Variants in DDX10 observed in about 807,000 individuals in gnomAD.
DDX10 encodes the protein probable ATP-dependent RNA helicase DDX10.
Under a neutral mutation model 104.3 loss-of-function variants are expected in DDX10, and 74 were observed. The ratio of observed to expected loss-of-function variants is 0.71; its 90% CI spans 0.59 to 0.86. DDX10 has a LOEUF of 0.86. Ranked by LOEUF, DDX10 falls within the 40% of genes least tolerant of loss-of-function variation. DDX10 has a pLI of 0.00. For synonymous variants in DDX10, 351 were observed against 353.4 expected (o/e 0.99, Z 0.08); for missense variants, 952 against 1,040.0 (o/e 0.92, Z 1.16).
intron 13 of DDX10, among the ~76,000 whole-genome samples, chr11:108,783,983 A>G (rs960507099): frequency 1.3e-5 from 2 of 152,170 alleles, no homozygotes; most frequent in Non-Finnish European, 2.9e-5. Flanking sequence ...ATGTTGCAGC[A>G]AAGGACAGCC....
At position 108,863,631 on chromosome 11, in the gene DDX10, G is replaced by A. The variant is rs1862968821; in HGVS notation, c.2304+11422G>A. 2.6e-5 allele frequency among the ~76,000 whole-genome samples: 4 copies of A among 152,136 alleles called. No homozygotes were observed. In the South Asian group the frequency reaches 6.2e-4, roughly 24 times the overall value. On this transcript the variant is annotated intron_variant, in intron 16 of 17. Transcript: ENST00000322536. ...CCTCATTTAATTGCTTTTAACATGA[G>A]TTGTGCATGTCTGAATTCTAAACAC...
chr11:108,867,109 A>G (rs1318103786), intron 16 of DDX10, among the ~76,000 whole-genome samples: 1 of 152,212 alleles, frequency 6.6e-6, no homozygotes, highest in Non-Finnish European at 1.5e-5. Flanking sequence ...CTAGGTTGAC[A>G]TCAAACAAAA....
intron 13 of DDX10, among the ~76,000 whole-genome samples, chr11:108,779,540 T>G (rs2094375069): frequency 2.8e-5 from 4 of 142,676 alleles, no homozygotes; most frequent in Admixed American, 7.1e-5. Context: ...CTGCCGGGGG[T>G]GGTGGGAGGG....
intron 13 of DDX10, among the ~76,000 whole-genome samples, chr11:108,818,822 A>C (rs1049289522): frequency 1.3e-5 from 2 of 152,134 alleles, no homozygotes; most frequent in Non-Finnish European, 2.9e-5. Flanking sequence ...GGGACTTATC[A>C]CTTTTAGTCT....
At chr11:108,737,808 C>T (rs1451805468) in intron 13 of DDX10, among the ~76,000 whole-genome samples, 2 of 152,128 alleles carry the variant, frequency 1.3e-5, no homozygotes, top group African/African-American at 4.8e-5. Context: ...GGCATGCCTA[C>T]ACCTAATAAT....
chr11:108,670,985 C>A, intron 1 of DDX10, among the ~76,000 whole-genome samples: 1 of 152,092 alleles, frequency 6.6e-6, no homozygotes. Flanking sequence ...TCAAATGTCA[C>A]CCTTTTCTCC....
chr11:108,713,389 G>A (rs1326176910), intron 10 of DDX10, among the ~76,000 whole-genome samples: 1 of 152,128 alleles, frequency 6.6e-6, no homozygotes, highest in African/African-American at 2.4e-5. Context: ...AGTCAGGTTT[G>A]GAAGTTTTTA....
At chr11:108,847,206 A>C (rs1862731281) in intron 15 of DDX10, among the ~76,000 whole-genome samples, 1 of 152,202 alleles carries the variant, frequency 6.6e-6, no homozygotes, top group South Asian at 2.1e-4. Context: ...ACAAAATGCC[A>C]CTCTTACATA....
chr11:108,740,686 G>A (rs909711352), intron 13 of DDX10, among the ~76,000 whole-genome samples: 2 of 152,144 alleles, frequency 1.3e-5, no homozygotes, highest in East Asian at 1.9e-4. Context: ...TTTTGACTGT[G>A]TGAGATGCTA....
chr11:108,912,373 C>G (rs184043234), intron 16 of DDX10, among the ~76,000 whole-genome samples: 17 of 152,114 alleles, frequency 1.1e-4, no homozygotes, highest in Admixed American at 4.6e-4. Context: ...CTAGTTGATT[C>G]TCCTTCCTTA....
intron 17 of DDX10, among the ~76,000 whole-genome samples, chr11:108,928,127 C>T (rs1346379834): frequency 6.6e-6 from 1 of 151,876 alleles, no homozygotes; most frequent in Non-Finnish European, 1.5e-5. Flanking sequence ...TTACCTTCCT[C>T]TTCTGTGATA....
chr11:108,742,420 C>T (rs1475551117), intron 13 of DDX10, among the ~76,000 whole-genome samples: 1 of 151,734 alleles, frequency 6.6e-6, no homozygotes, highest in African/African-American at 2.4e-5. Flanking sequence ...AAAAAATCAG[C>T]TGGGTGTGGT....
intron 16 of DDX10, among the ~76,000 whole-genome samples, chr11:108,898,533 G>C (rs1222340899): frequency 1.3e-5 from 2 of 152,002 alleles, no homozygotes; most frequent in Non-Finnish European, 2.9e-5. Flanking sequence ...GACAGAGACA[G>C]CTGAAAAGCT....
chr11:108,910,688 C>G (rs982100850), intron 16 of DDX10, among the ~76,000 whole-genome samples: 8 of 151,458 alleles, frequency 5.3e-5, no homozygotes, highest in African/African-American at 1.9e-4. Flanking sequence ...GTAAAATACT[C>G]CCCCTTTCTG....
At chr11:108,835,260 A>G (rs1362556759) in intron 13 of DDX10, among the ~76,000 whole-genome samples, 1 of 152,246 alleles carries the variant, frequency 6.6e-6, no homozygotes, top group African/African-American at 2.4e-5. Flanking sequence ...TAACTGAGGA[A>G]GAACAATAGT....
At chr11:108,749,062 C>T (rs1033177816) in intron 13 of DDX10, among the ~76,000 whole-genome samples, 6 of 150,840 alleles carry the variant, frequency 4.0e-5, no homozygotes, top group African/African-American at 1.2e-4. Context: ...CTCTCTCTCT[C>T]TCTCTCTTTC....
intron 13 of DDX10, among the ~76,000 whole-genome samples, chr11:108,834,306 CT>C (rs1376620465): frequency 6.6e-6 from 1 of 151,910 alleles, no homozygotes; most frequent in African/African-American, 2.4e-5. Flanking sequence ...TCTCTCCATC[CT>C]TTTTTATTTA....
At chr11:108,787,098 C>T (rs1196266364) in intron 13 of DDX10, among the ~76,000 whole-genome samples, 1 of 152,174 alleles carries the variant, frequency 6.6e-6, no homozygotes, top group Non-Finnish European at 1.5e-5. Context: ...CCTTCACTTA[C>T]AAAGCTTAGA....
At chr11:108,923,069 C>G (rs913059743) in intron 17 of DDX10, among the ~76,000 whole-genome samples, 7 of 152,140 alleles carry the variant, frequency 4.6e-5, no homozygotes, top group African/African-American at 7.2e-5. Flanking sequence ...CTGGCTTTCA[C>G]CTCTCATTCT....
Sources: allele counts gnomAD v4.1 joint callset (sites outside exome capture counted in the v4.1 genomes callset), GRCh38; gene constraint gnomAD v4.1.1; transcripts MANE v1.5; gene names NCBI Gene and HGNC (gene_info 2026-07-23, HGNC 2026-07-21).